AFAP1: variants seen among roughly 807,000 people sequenced by gnomAD.
The protein encoded by AFAP1 is actin filament associated protein 1.
In AFAP1, 75 loss-of-function variants were observed where a neutral mutation model predicts 93.9. The observed-to-expected ratio is 0.80, with a 90% confidence interval of 0.66 to 0.97. AFAP1 has a LOEUF of 0.97. AFAP1 is among the 50% of genes least tolerant of loss of function. The pLI, the probability that AFAP1 is intolerant of heterozygous loss-of-function variation, is 0.00. For synonymous variants in AFAP1, 517 were observed against 430.7 expected (o/e 1.20, Z -2.48); for missense variants, 1,201 against 1,050.8 (o/e 1.14, Z -1.98).
chr4:7,774,643 C>T, intron 15 of AFAP1, 96 bp downstream of exon 15: 1 of 1,486,918 alleles, frequency 6.7e-7, no homozygotes, highest in Non-Finnish European at 9.0e-7. Context: ...AAAATGACAG[C>T]CTTGGTGAGC....
intron 1 of AFAP1, among the ~76,000 whole-genome samples, chr4:7,931,040 G>A (rs778428729): frequency 1.3e-5 from 2 of 152,166 alleles, no homozygotes; most frequent in African/African-American, 4.8e-5. Context: ...ATGAGCTACC[G>A]TGCCTGGCCT....
intron 5 of AFAP1, among the ~76,000 whole-genome samples, chr4:7,841,109 C>T (rs1712958406): frequency 6.6e-6 from 1 of 152,208 alleles, no homozygotes; most frequent in Admixed American, 6.5e-5. Flanking sequence ...TGGGAAGCCG[C>T]CTCTATAGCA....
At chr4:7,819,001 T>C (rs543708033) in intron 7 of AFAP1, 75 bp downstream of exon 7, 11 of 1,318,238 alleles carry the variant, frequency 8.3e-6, no homozygotes, top group Non-Finnish European at 1.1e-5. Flanking sequence ...TCTCAGAGAT[T>C]GTTATCAAAC....
At chr4:7,798,839 A>C (rs1577223081) in intron 10 of AFAP1, 7 of 943,358 alleles carry the variant, frequency 7.4e-6, no homozygotes, top group African/African-American at 1.8e-5. Flanking sequence ...CCCCCACCGC[A>C]CCCCGAGCTT....
chr4:7,834,959 C>G (rs1216435238), intron 6 of AFAP1, among the ~76,000 whole-genome samples: 1 of 146,128 alleles, frequency 6.8e-6, no homozygotes, highest in African/African-American at 2.5e-5. Context: ...TGCGGGCTGC[C>G]TTAAAGTTAC....
In AFAP1 at chr4:7,780,698, T is replaced by C. The variant is rs575359127; in HGVS notation, c.1782+678A>G. 7.6e-4 allele frequency among the ~76,000 whole-genome samples: 115 copies of C among 152,204 alleles called. No individual in the cohort carries two copies. The Middle Eastern group carries it at 0.014, about 18-fold the overall frequency. ...CCACAAAATTACTCTGAAATGTTAC[T>C]GTTTGCCATAGATACAGGGTGTGCA... On this transcript the variant is annotated intron_variant, in intron 13 of 17. Coordinates refer to ENST00000420658, the MANE Select transcript of AFAP1 (RefSeq NM_001134647.2).
intron 12 of AFAP1, among the ~76,000 whole-genome samples, chr4:7,783,893 G>A (rs1717018998): frequency 6.6e-6 from 1 of 152,200 alleles, no homozygotes; most frequent in Non-Finnish European, 1.5e-5. Flanking sequence ...CTAGACACAG[G>A]CTCAGAGAAG....
At chr4:7,871,640 C>A (rs980938856) in intron 2 of AFAP1, among the ~76,000 whole-genome samples, 2 of 152,188 alleles carry the variant, frequency 1.3e-5, no homozygotes, top group Admixed American at 6.5e-5. Flanking sequence ...GGCTGCAGTG[C>A]GTCCTGCACA....
chr4:7,798,460 CGGCATTGCAACT>C (rs1718694123), intron 10 of AFAP1, among the ~76,000 whole-genome samples: 1 of 110,678 alleles, frequency 9.0e-6, no homozygotes, highest in Non-Finnish European at 2.0e-5. Context: ...GGCTGGCTCA[CGGCATTGCAACT>C]CTATTGGCTG....
At chr4:7,906,772 G>A (rs896188208) in intron 1 of AFAP1, among the ~76,000 whole-genome samples, 4 of 152,230 alleles carry the variant, frequency 2.6e-5, no homozygotes, top group African/African-American at 9.6e-5. Context: ...TGTAATCCCA[G>A]CACTTTGGGA....
chr4:7,781,953 G>A (rs1213406218), intron 12 of AFAP1, among the ~76,000 whole-genome samples: 1 of 152,098 alleles, frequency 6.6e-6, no homozygotes, highest in Non-Finnish European at 1.5e-5. Context: ...TTCTTTTAAA[G>A]GAAAAAGCAA....
intron 5 of AFAP1, among the ~76,000 whole-genome samples, chr4:7,839,420 A>AT (rs1443868852): frequency 6.6e-6 from 1 of 151,954 alleles, no homozygotes; most frequent in African/African-American, 2.4e-5. Flanking sequence ...ATGTATATAT[A>AT]AAATACATTT....
chr4:7,882,099 T>C (rs1717885133), intron 1 of AFAP1, among the ~76,000 whole-genome samples: 1 of 152,092 alleles, frequency 6.6e-6, no homozygotes. Flanking sequence ...ATACCTCCTG[T>C]CCTCTAAAAC....
At chr4:7,846,294 T>G (rs1435623521) in intron 4 of AFAP1, among the ~76,000 whole-genome samples, 1 of 152,248 alleles carries the variant, frequency 6.6e-6, no homozygotes, top group Non-Finnish European at 1.5e-5. Flanking sequence ...TTTATGCACT[T>G]TCTGGTAAAT....
At chr4:7,767,373 A>G (rs1417807871) in intron 17 of AFAP1, among the ~76,000 whole-genome samples, 2 of 152,192 alleles carry the variant, frequency 1.3e-5, no homozygotes, top group South Asian at 4.1e-4. Flanking sequence ...TTTTCAGTCC[A>G]ATTTCTTTGA....
intron 13 of AFAP1, chr4:7,779,199 G>A (rs1716484845): frequency 3.3e-6 from 1 of 300,624 alleles, no homozygotes; most frequent in Admixed American, 4.8e-5. Context: ...AGAGCACTCA[G>A]ATGAGAGGAG....
At chr4:7,888,124 G>A (rs1431862569) in intron 1 of AFAP1, among the ~76,000 whole-genome samples, 1 of 152,194 alleles carries the variant, frequency 6.6e-6, no homozygotes, top group Non-Finnish European at 1.5e-5. Context: ...ACCACGCCCA[G>A]CCCCATAAAG....
At chr4:7,778,296 C>T (rs922841408) in intron 14 of AFAP1, 8 of 202,400 alleles carry the variant, frequency 4.0e-5, no homozygotes, top group Non-Finnish European at 7.1e-5. Context: ...CAGAACTCCT[C>T]ATACTGCTCT....
intron 5 of AFAP1, among the ~76,000 whole-genome samples, chr4:7,840,421 C>T (rs1712875967): frequency 6.6e-6 from 1 of 150,438 alleles, no homozygotes; most frequent in African/African-American, 2.5e-5. Context: ...TCAAGCGATT[C>T]TCCTGCCTCA....
Sources: allele counts gnomAD v4.1 joint callset (sites outside exome capture counted in the v4.1 genomes callset), GRCh38; gene constraint gnomAD v4.1.1; transcripts MANE v1.5; gene names NCBI Gene and HGNC (gene_info 2026-07-23, HGNC 2026-07-21).